ACOT11: variants seen among roughly 807,000 people sequenced by gnomAD.
ACOT11 encodes acyl-CoA thioesterase 11.
A neutral mutation model predicts 77.5 loss-of-function variants in ACOT11; 69 were observed. The observed-to-expected ratio is 0.89, with a 90% CI of 0.73 to 1.09. The LOEUF (loss-of-function observed/expected upper bound fraction) is 1.09, where lower values mean the gene tolerates loss of function less well. Among genes scored for constraint, ACOT11 ranks in the 50% least tolerant of loss-of-function variants. ACOT11 has a pLI of 0.00. For missense variants in ACOT11, 766 were observed against 813.7 expected, an observed-to-expected ratio of 0.94 and a Z score of 0.71; for synonymous variants, 279 against 313.0, an observed-to-expected ratio of 0.89 and a Z score of 1.15.
intron 1 of ACOT11, among the ~76,000 whole-genome samples, chr1:54,558,582 G>A (rs1305826630): frequency 1.3e-5 from 2 of 152,190 alleles, no homozygotes; most frequent in African/African-American, 4.8e-5. Flanking sequence ...GCAGCCTTGG[G>A]AAGATCTGAG....
At chr1:54,626,456 C>T (rs1417491255) in intron 15 of ACOT11, among the ~76,000 whole-genome samples, 1 of 151,850 alleles carries the variant, frequency 6.6e-6, no homozygotes, top group Non-Finnish European at 1.5e-5. Flanking sequence ...TGATTTCCTA[C>T]AAAGTGTCCC....
At chr1:54,548,848 G>T (rs1210824332) in intron 1 of ACOT11, among the ~76,000 whole-genome samples, 2 of 152,160 alleles carry the variant, frequency 1.3e-5, no homozygotes, top group African/African-American at 4.8e-5. Flanking sequence ...TCACATGACG[G>T]CTGCGGAAAG....
rs556770236 is a variant in ACOT11, at chr1:54,600,779, T to C, written c.885-490T>C. 5.9e-5 allele frequency among the ~76,000 whole-genome samples: 9 copies of C among 152,336 alleles called. No individual in the cohort carries two copies. In the South Asian group the frequency reaches 1.7e-3, roughly 28 times the overall value. On this transcript the variant is annotated intron_variant, in intron 8 of 15. Coordinates refer to ENST00000343744, the MANE Select transcript of ACOT11 (RefSeq NM_147161.4). ...AAGGCTGCCACAGCACTTGTAAATA[T>C]GCACATAATGAACATTTTCTAATTA...
intron 1 of ACOT11, among the ~76,000 whole-genome samples, chr1:54,579,188 T>C (rs925197766): frequency 3.3e-5 from 5 of 152,114 alleles, no homozygotes; most frequent in Non-Finnish European, 7.4e-5. Context: ...TGAGGACGTA[T>C]GCTCCCTATT....
Position 54,609,045 on chromosome 1 carries a change from T to TC in ACOT11, c.1719dup (p.Lys574GlnfsTer4), listed in dbSNP as rs770619177. ...CTCTCCTCTGAGTTCTACACCACCT[T>TC]CAAGGCTTGTGAGCAGTTTCTCTTG... On this transcript the variant is annotated frameshift_variant, in exon 16 of 16. Coordinates refer to ENST00000343744, the MANE Select transcript of ACOT11 (RefSeq NM_147161.4). LOFTEE classifies it high-confidence loss of function. 1 of 1,614,110 alleles carries TC rather than the reference T, an allele frequency of 6.2e-7. No homozygotes were observed. The highest frequency in any genetic ancestry group is 1.7e-5 in the Admixed American group (1 of 60,026).
At chr1:54,587,550 C>CTTTTTTTTTTTT (rs33913350) in intron 3 of ACOT11, among the ~76,000 whole-genome samples, 1 of 73,542 alleles carries the variant, frequency 1.4e-5, no homozygotes, top group Non-Finnish European at 2.4e-5. Context: ...GTTTGTAATC[C>CTTTTTTTTTTTT]TTTTTTTTTT....
intron 1 of ACOT11, among the ~76,000 whole-genome samples, chr1:54,561,247 C>T (rs1162635469): frequency 8.4e-6 from 1 of 119,148 alleles, no homozygotes; most frequent in Non-Finnish European, 1.7e-5. Context: ...GAGGACCCTG[C>T]GGCCTTCCGC....
intron 1 of ACOT11, among the ~76,000 whole-genome samples, chr1:54,574,889 A>G (rs1346127733): frequency 6.6e-6 from 1 of 152,222 alleles, no homozygotes; most frequent in African/African-American, 2.4e-5. Context: ...GCTTCCTCAC[A>G]CGTGCACAAA....
intron 7 of ACOT11, 136 bp from the exon 8 acceptor site, chr1:54,599,160 A>AGG (rs1643924627): frequency 2.8e-5 from 1 of 35,790 alleles, no homozygotes; most frequent in Non-Finnish European, 4.9e-5. Flanking sequence ...AAAAAAAAAA[A>AGG]AAAAAAAAAA....
At chr1:54,564,555 C>G (rs1353758476) in intron 1 of ACOT11, among the ~76,000 whole-genome samples, 4 of 152,234 alleles carry the variant, frequency 2.6e-5, no homozygotes, top group Non-Finnish European at 5.9e-5. Context: ...CTTGGGACTT[C>G]CTTTCAGCAG....
At chr1:54,548,560 G>T in intron 1 of ACOT11, 3 of 630,516 alleles carry the variant, frequency 4.8e-6, no homozygotes, top group East Asian at 2.8e-5. Flanking sequence ...GATCCCCCAC[G>T]GGCTGGCTGT....
chr1:54,564,752 G>A (rs1013204902), intron 1 of ACOT11, among the ~76,000 whole-genome samples: 7 of 152,198 alleles, frequency 4.6e-5, no homozygotes, highest in Admixed American at 3.3e-4. Context: ...GTTCTTGACC[G>A]GCTCTCTTCC....
chr1:54,632,855 T>C (rs1644308588), intron 16 of ACOT11, among the ~76,000 whole-genome samples: 1 of 152,192 alleles, frequency 6.6e-6, no homozygotes, highest in South Asian at 2.1e-4. Context: ...AAAGTAGTTA[T>C]ATATTGCATT....
At chr1:54,615,007 C>G (rs1458091801), downstream of ACOT11, 5 of 763,014 alleles carry the variant, frequency 6.6e-6, no homozygotes, top group East Asian at 8.3e-5. Flanking sequence ...GCACCACATC[C>G]CTGCAGGGTG....
rs550306385 is a variant in ACOT11, at chr1:54,553,220, ATT to A, written c.33+4886_33+4887del. 2.3e-3 allele frequency among the ~76,000 whole-genome samples: 354 copies of A among 151,172 alleles called. 2 individuals carry two copies. The highest frequency in any genetic ancestry group is 8.4e-3 in the African/African-American group (348 of 41,400). On this transcript the variant is annotated intron_variant, in intron 1 of 15. Coordinates refer to ENST00000343744, the MANE Select transcript of ACOT11 (RefSeq NM_147161.4). The stretch of plus-strand genomic sequence containing the variant: ...AAGGGAATGATTACCTCATTAAAAA[ATT>A]TTTTTTTAATGGGCCAGGCATGGTG...
At chr1:54,620,845 CAA>C (rs767625864) in intron 15 of ACOT11, among the ~76,000 whole-genome samples, 143 of 12,074 alleles carry the variant, frequency 0.012, no homozygotes, top group Middle Eastern at 0.12. Context: ...GAGACTCTGT[CAA>C]AAAAAAAAAA....
chr1:54,594,148 G>C, intron 5 of ACOT11, 109 bp downstream of exon 5: 2 of 958,362 alleles, frequency 2.1e-6, no homozygotes, highest in Non-Finnish European at 3.1e-6. Context: ...GGGATGGGGA[G>C]GGACACAGCA....
exon 17 of ACOT11, chr1:54,637,636 A>T (rs2101037675): frequency 6.6e-6 from 1 of 152,118 alleles, no homozygotes; most frequent in East Asian, 1.9e-4. Context: ...AAAATACAAA[A>T]TTTAGCCAGG....
At chr1:54,598,542 G>A (rs1643915086) in intron 7 of ACOT11, 1 of 152,274 alleles carries the variant, frequency 6.6e-6, no homozygotes, top group Non-Finnish European at 1.5e-5. Flanking sequence ...CTGGGGATGG[G>A]ACCAGGGTAG....
Sources: allele counts gnomAD v4.1 joint callset (sites outside exome capture counted in the v4.1 genomes callset), GRCh38; gene constraint gnomAD v4.1.1; transcripts MANE v1.5; gene names NCBI Gene and HGNC (gene_info 2026-07-23, HGNC 2026-07-21).